Variants in HIVEP1 observed in about 807,000 individuals in gnomAD.
HIVEP1 encodes zinc finger protein 40.
A neutral mutation model predicts 180.0 loss-of-function variants in HIVEP1; 36 were observed. The ratio of observed to expected loss-of-function variants is 0.20; its 90% CI spans 0.15 to 0.26. The LOEUF (loss-of-function observed/expected upper bound fraction) is 0.26, where lower values mean the gene tolerates loss of function less well. Ranked by LOEUF, HIVEP1 falls within the 10% of genes least tolerant of loss-of-function variation. The probability of loss-of-function intolerance (pLI) is 1.00; values close to 1 mark genes in which losing one functional copy is unlikely to be tolerated. For missense variants in HIVEP1, 3,143 were observed against 3,268.7 expected, an observed-to-expected ratio of 0.96 and a Z score of 0.94; for synonymous variants, 1,239 against 1,239.0, an observed-to-expected ratio of 1.00 and a Z score of 0.00.
At chr6:12,169,561 G>A (rs1304908233), downstream of HIVEP1, among the ~76,000 whole-genome samples, 1 of 152,140 alleles carries the variant, frequency 6.6e-6, no homozygotes, top group Non-Finnish European at 1.5e-5. Flanking sequence ...AGGTAAACTA[G>A]GACATGACAA....
chr6:12,182,445 C>G, the HIVEP1 span, among the ~76,000 whole-genome samples: 1 of 152,136 alleles, frequency 6.6e-6, no homozygotes, highest in Non-Finnish European at 1.5e-5. Context: ...ATTGGTGACT[C>G]TAAGAGATCT....
intron 2 of HIVEP1, among the ~76,000 whole-genome samples, chr6:12,040,197 C>T (rs1174988919): frequency 6.6e-6 from 1 of 152,106 alleles, no homozygotes; most frequent in Non-Finnish European, 1.5e-5. Context: ...GTCTTTTGAT[C>T]CAGGAGTTAA....
intron 3 of HIVEP1, among the ~76,000 whole-genome samples, chr6:12,107,296 G>A (rs908371895): frequency 1.3e-5 from 2 of 152,200 alleles, no homozygotes; most frequent in Admixed American, 6.5e-5. Flanking sequence ...ATAGCATTAT[G>A]TCTAATAAAA....
chr6:12,048,277 C>T (rs1770270552), intron 2 of HIVEP1, among the ~76,000 whole-genome samples: 1 of 152,220 alleles, frequency 6.6e-6, no homozygotes, highest in Non-Finnish European at 1.5e-5. Flanking sequence ...CAGGGTATGT[C>T]AAGGCTGGAG....
At chr6:12,074,008 G>A (rs1316883298) in intron 2 of HIVEP1, among the ~76,000 whole-genome samples, 1 of 152,206 alleles carries the variant, frequency 6.6e-6, no homozygotes, top group East Asian at 1.9e-4. Flanking sequence ...TGGAGTGGGT[G>A]TGCACCATGA....
the HIVEP1 span, among the ~76,000 whole-genome samples, chr6:12,198,469 T>C: frequency 6.6e-6 from 1 of 152,192 alleles, no homozygotes; most frequent in Non-Finnish European, 1.5e-5. Context: ...GGTATTTATT[T>C]ATTCATTCAT....
chr6:12,124,575 C>T lies in HIVEP1; in HGVS notation c.4780C>T (p.His1594Tyr), dbSNP rs1439481033. The change falls in exon 4 of 9, where the codon CAT becomes TAT. Residue 1594 changes from histidine (H) to tyrosine (Y), a missense_variant. His to Tyr is a moderately conservative substitution (Grantham distance 83, BLOSUM62 2). Transcript: ENST00000379388. ...TATTTCAGATCCAGTTGGAACAGAT[C>T]ATTGTGTGACATCAGCAACATTACC... ...QVISDPVGTD[H>Y]CVTSATLPTK... The T allele has an allele frequency of 3.1e-6, 5 of 1,613,864 alleles. No homozygotes were observed. The highest frequency in any genetic ancestry group is 3.3e-5 in the Admixed American group (2 of 60,008).
intron 2 of HIVEP1, among the ~76,000 whole-genome samples, chr6:12,018,206 ACTGGGAACTCTAG>A (rs1767956348): frequency 6.6e-6 from 1 of 152,236 alleles, no homozygotes; most frequent in Admixed American, 6.5e-5. Context: ...GCCCACGCCA[ACTGGGAACTCTAG>A]CTGGCCTACA....
chr6:12,168,027 T>C (rs1562024270), downstream of HIVEP1, among the ~76,000 whole-genome samples: 56 of 65,028 alleles, frequency 8.6e-4, 6 homozygotes, highest in African/African-American at 3.7e-3. Context: ...TGTATATATG[T>C]ATATATTATA....
the HIVEP1 span, among the ~76,000 whole-genome samples, chr6:12,198,690 A>G: frequency 6.6e-6 from 1 of 152,192 alleles, no homozygotes; most frequent in Non-Finnish European, 1.5e-5. Context: ...AGATTTAAAT[A>G]GTGATTAAGG....
At chr6:12,027,196 AC>A (rs1768640847) in intron 2 of HIVEP1, among the ~76,000 whole-genome samples, 1 of 152,178 alleles carries the variant, frequency 6.6e-6, no homozygotes, top group East Asian at 1.9e-4. Flanking sequence ...TTATTTGTAA[AC>A]CCTTTTCTGT....
chr6:12,055,279 C>T (rs934896005), intron 2 of HIVEP1, among the ~76,000 whole-genome samples: 3 of 152,118 alleles, frequency 2.0e-5, no homozygotes, highest in African/African-American at 4.8e-5. Flanking sequence ...TCGAGACCAT[C>T]CTGGCCAACA....
intron 3 of HIVEP1, among the ~76,000 whole-genome samples, chr6:12,109,144 T>TAATTTTTTA (rs1165563712): frequency 7.5e-6 from 1 of 133,064 alleles, no homozygotes. Flanking sequence ...CACGCCCGGC[T>TAATTTTTTA]AATTTTTTAA....
At chr6:12,140,952 A>G (rs765606123) in intron 7 of HIVEP1, among the ~76,000 whole-genome samples, 2 of 152,218 alleles carry the variant, frequency 1.3e-5, no homozygotes, top group Admixed American at 6.5e-5. Context: ...TCTTAGGGAT[A>G]TTATCCAGGA....
At chr6:12,130,588 T>A (rs184971610) in intron 5 of HIVEP1, among the ~76,000 whole-genome samples, 179 bp from the exon 6 acceptor site, 3 of 152,264 alleles carry the variant, frequency 2.0e-5, no homozygotes, top group African/African-American at 7.2e-5. Context: ...TTGATTAGAA[T>A]TAGCTATATT....
intron 4 of HIVEP1, 116 bp from the exon 5 acceptor site, chr6:12,129,641 GAA>G (rs779671639): frequency 6.2e-6 from 5 of 806,996 alleles, no homozygotes; most frequent in Admixed American, 2.0e-5. Context: ...TTACTACTTT[GAA>G]ATGCATTTCG....
Position 12,121,906 on chromosome 6 carries a change from G to A in HIVEP1, c.2111G>A (p.Gly704Glu), listed in dbSNP as rs983238252. The change falls in exon 4 of 9, where the codon GGA (glycine) becomes GAA (glutamate). Residue 704 changes from glycine (G) to glutamate (E), a missense_variant. Physicochemically the swap from Gly to Glu is moderately conservative, Grantham distance 98 (BLOSUM62 -2). This residue lies in a region of HIVEP1 where 365 missense variants were observed against 344.4 expected (regional missense o/e 1.06). Coordinates refer to ENST00000379388, the MANE Select transcript of HIVEP1 (RefSeq NM_002114.4). This position sits in a 1 kb window ranked among gnomAD's most constrained non-coding sequence, Gnocchi z 5.3. ...TTACCCAGCACAGAACAAGACTCTGGAAGGAGTAACGGACCCTCTGCAGCT... is the reference window on the plus strand; with the variant it reads ...TTACCCAGCACAGAACAAGACTCTGAAAGGAGTAACGGACCCTCTGCAGCT... ...RRLPSTEQDS[G>E]RSNGPSAALV... 3 of 1,614,042 alleles carry A rather than the reference G, an allele frequency of 1.9e-6. No homozygotes were observed. In the African/African-American group the frequency reaches 4.0e-5, roughly 22 times the overall value.
chr6:12,089,270 T>C, intron 3 of HIVEP1, 33 bp downstream of exon 3: 1 of 1,281,834 alleles, frequency 7.8e-7, no homozygotes, highest in Non-Finnish European at 1.1e-6. Flanking sequence ...GTAAACTTTA[T>C]TCTTGCAATG....
intron 2 of HIVEP1, among the ~76,000 whole-genome samples, chr6:12,073,522 C>T (rs942972428): frequency 3.3e-5 from 5 of 152,136 alleles, no homozygotes; most frequent in East Asian, 1.9e-4. Flanking sequence ...TGCTTCCTGC[C>T]TCACTGTTCC....
Sources: allele counts gnomAD v4.1 joint callset (sites outside exome capture counted in the v4.1 genomes callset), GRCh38; gene constraint gnomAD v4.1.1; regional missense constraint gnomAD v4.1.1; non-coding constraint Gnocchi (gnomAD v3.1); transcripts MANE v1.5; gene names NCBI Gene and HGNC (gene_info 2026-07-23, HGNC 2026-07-21).